The following SLC16A9 variants were observed in gnomAD, a reference collection of about 807,000 sequenced individuals.
SLC16A9 encodes monocarboxylate transporter 9.
A neutral mutation model predicts 44.3 loss-of-function variants in SLC16A9; 26 were observed. The ratio of observed to expected loss-of-function variants is 0.59; its 90% CI spans 0.43 to 0.81. The LOEUF (loss-of-function observed/expected upper bound fraction) is 0.81, where lower values mean the gene tolerates loss of function less well. Among genes scored for constraint, SLC16A9 ranks in the 40% least tolerant of loss-of-function variants. The pLI is 0.00. For missense variants in SLC16A9, 559 were observed against 595.8 expected (o/e 0.94, Z 0.64); for synonymous variants, 230 against 225.1 (o/e 1.02, Z -0.19).
chr10:59,659,405 A>C (rs1156323974), intron 4 of SLC16A9, among the ~76,000 whole-genome samples: 1 of 152,132 alleles, frequency 6.6e-6, no homozygotes, highest in Non-Finnish European at 1.5e-5. Flanking sequence ...AAGATCAAAA[A>C]AGACAAAGAA....
intron 2 of SLC16A9, among the ~76,000 whole-genome samples, chr10:59,677,573 G>T (rs1318206568): frequency 6.6e-6 from 1 of 151,984 alleles, no homozygotes; most frequent in African/African-American, 2.4e-5. Context: ...AAACAAACTC[G>T]CATCAAGGTT....
At chr10:59,699,127 A>G (rs1245881705) in intron 1 of SLC16A9, among the ~76,000 whole-genome samples, 2 of 152,182 alleles carry the variant, frequency 1.3e-5, no homozygotes, top group East Asian at 1.9e-4. Context: ...CCCCAACAGA[A>G]CAGGCATGGG....
chr10:59,699,708 C>A (rs1840479236), intron 1 of SLC16A9, among the ~76,000 whole-genome samples: 1 of 151,334 alleles, frequency 6.6e-6, no homozygotes, highest in Admixed American at 6.6e-5. Flanking sequence ...TTTTAAATCC[C>A]TTTAGACATA....
intron 1 of SLC16A9, among the ~76,000 whole-genome samples, chr10:59,694,894 G>T (rs1338082413): frequency 2.1e-5 from 3 of 146,314 alleles, no homozygotes; most frequent in Non-Finnish European, 4.5e-5. Context: ...AACATATATA[G>T]ATAATGGATC....
chr10:59,702,494 C>T (rs1465906126), intron 1 of SLC16A9, among the ~76,000 whole-genome samples: 1 of 152,150 alleles, frequency 6.6e-6, no homozygotes, highest in Non-Finnish European at 1.5e-5. Context: ...CTTGTTTGTC[C>T]TCTGTAGTCA....
At chr10:59,684,576 C>G (rs1365519963) in intron 1 of SLC16A9, among the ~76,000 whole-genome samples, 1 of 152,078 alleles carries the variant, frequency 6.6e-6, no homozygotes, top group East Asian at 1.9e-4. Flanking sequence ...ATATAGCCTT[C>G]TCAACCTTGT....
intron 1 of SLC16A9, among the ~76,000 whole-genome samples, chr10:59,694,805 T>TAC (rs1840333740): frequency 3.3e-5 from 1 of 30,398 alleles, no homozygotes; most frequent in Non-Finnish European, 9.6e-5. Context: ...ATCTCAAATA[T>TAC]ATATATATAT....
intron 1 of SLC16A9, among the ~76,000 whole-genome samples, chr10:59,691,861 G>A (rs1840260167): frequency 6.6e-6 from 1 of 152,162 alleles, no homozygotes; most frequent in South Asian, 2.1e-4. Context: ...TGACATTTAA[G>A]AACACTGAGT....
chr10:59,660,066 C>T (rs1048542588), intron 4 of SLC16A9, among the ~76,000 whole-genome samples: 1 of 152,134 alleles, frequency 6.6e-6, no homozygotes, highest in Non-Finnish European at 1.5e-5. Context: ...CTAAAATCAA[C>T]ATCCTAACAT....
chr10:59,691,835 G>A (rs757504186), intron 1 of SLC16A9, among the ~76,000 whole-genome samples: 1 of 152,190 alleles, frequency 6.6e-6, no homozygotes, highest in Non-Finnish European at 1.5e-5. Flanking sequence ...GATATAGGCT[G>A]TCAGAACTGC....
At chr10:59,669,575 G>A (rs1214174991) in intron 3 of SLC16A9, among the ~76,000 whole-genome samples, 22 of 152,212 alleles carry the variant, frequency 1.4e-4, no homozygotes, top group South Asian at 2.1e-4. Context: ...AGTGGCTCAC[G>A]CCTATAATCC....
chr10:59,661,881 G>C (rs1201729504), intron 4 of SLC16A9, among the ~76,000 whole-genome samples: 1 of 151,990 alleles, frequency 6.6e-6, no homozygotes, highest in Non-Finnish European at 1.5e-5. Flanking sequence ...ACAAGCAATG[G>C]GGAAAGGATT....
intron 4 of SLC16A9, among the ~76,000 whole-genome samples, chr10:59,656,538 C>T (rs971907159): frequency 2.6e-5 from 4 of 152,194 alleles, no homozygotes; most frequent in Admixed American, 6.5e-5. Context: ...AGGCTAGTTT[C>T]CTCAGCCTTC....
At chr10:59,666,913 T>C (rs1476451797) in intron 3 of SLC16A9, among the ~76,000 whole-genome samples, 1 of 151,876 alleles carries the variant, frequency 6.6e-6, no homozygotes, top group Non-Finnish European at 1.5e-5. Flanking sequence ...GGAAAACTTG[T>C]ATCTGTCACC....
chr10:59,651,125 A>G lies in SLC16A9; in HGVS notation c.*1647T>C, dbSNP rs1270538066. ...TTGGAGCTCCATTATTGCATTATTAAGTAGAATGAACTGTTATGAAATTCT... is the reference window on the plus strand; with the variant it reads ...TTGGAGCTCCATTATTGCATTATTAGGTAGAATGAACTGTTATGAAATTCT... On this transcript the variant is annotated 3_prime_UTR_variant, in exon 6 of 6. Coordinates refer to ENST00000395348, the MANE Select transcript of SLC16A9 (RefSeq NM_194298.3). The G allele has an allele frequency of 6.6e-6, 1 of 152,164 alleles. No individual in the cohort carries two copies. The highest frequency in any genetic ancestry group is 1.5e-5 in the Non-Finnish European group (1 of 68,022). The allele number at this position is 152,164 out of a possible 1,614,324, so 9.4% of individuals were successfully genotyped here. A position where few individuals can be genotyped will look rare whatever the true frequency, so the allele number is the denominator to read the frequency against.
At chr10:59,674,984 A>G (rs1564702633) in intron 2 of SLC16A9, among the ~76,000 whole-genome samples, 2 of 152,052 alleles carry the variant, frequency 1.3e-5, no homozygotes, top group Non-Finnish European at 2.9e-5. Context: ...CTAACAAATG[A>G]TTTTTTTTGA....
In SLC16A9 at chr10:59,695,467, AAC is replaced by A. The variant is rs914839806; in HGVS notation, c.-36-11142_-36-11141del. 3.9e-4 allele frequency among the ~76,000 whole-genome samples: 60 copies of A among 152,300 alleles called. 1 individual carries two copies. Among genetic ancestry groups the A allele is most frequent in the African/African-American group, 1.3e-3 (55 of 41,554 alleles). ...TACTTTTTAAAAGATGTATGCTATA[AAC>A]ACACAGTTACAATGACCAAATATAT... is the stretch of plus-strand genomic sequence containing the variant. On this transcript the variant is annotated intron_variant, in intron 1 of 5. Transcript: ENST00000395348.
At chr10:59,695,308 T>C (rs1355852507) in intron 1 of SLC16A9, among the ~76,000 whole-genome samples, 1 of 152,216 alleles carries the variant, frequency 6.6e-6, no homozygotes, top group East Asian at 1.9e-4. Context: ...AAGTGAATTA[T>C]ATGTAATTTA....
At chr10:59,702,370 T>A (rs1280939111) in intron 1 of SLC16A9, among the ~76,000 whole-genome samples, 1 of 152,224 alleles carries the variant, frequency 6.6e-6, no homozygotes, top group Admixed American at 6.5e-5. Flanking sequence ...CGGTTTTAAA[T>A]GTTAAACATT....
Sources: allele counts gnomAD v4.1 joint callset (sites outside exome capture counted in the v4.1 genomes callset), GRCh38; gene constraint gnomAD v4.1.1; transcripts MANE v1.5; gene names NCBI Gene and HGNC (gene_info 2026-07-23, HGNC 2026-07-21).